The following HKDC1 variants were observed in gnomAD, a reference collection of about 807,000 sequenced individuals.
HKDC1 encodes hexokinase domain containing 1, also known as hexokinase HKDC1.
Under a neutral mutation model 96.6 loss-of-function variants are expected in HKDC1, and 66 were observed. The ratio of observed to expected loss-of-function variants is 0.68; its 90% CI spans 0.56 to 0.84. HKDC1 has a LOEUF of 0.84. Ranked by LOEUF, HKDC1 falls within the 40% of genes least tolerant of loss-of-function variation. The pLI is 0.00. For synonymous variants in HKDC1, 466 were observed against 473.1 expected, an observed-to-expected ratio of 0.98 and a Z score of 0.20; for missense variants, 1,211 against 1,208.1, an observed-to-expected ratio of 1.00 and a Z score of -0.04.
intron 4 of HKDC1, among the ~76,000 whole-genome samples, 200 bp from the exon 5 acceptor site, chr10:69,238,842 A>C (rs1044038002): frequency 6.6e-6 from 1 of 152,224 alleles, no homozygotes; most frequent in Non-Finnish European, 1.5e-5. Context: ...GCTACCATAT[A>C]TTTCAAACCA....
intron 4 of HKDC1, among the ~76,000 whole-genome samples, chr10:69,233,888 A>G (rs1422451963): frequency 7.0e-6 from 1 of 143,850 alleles, no homozygotes; most frequent in Non-Finnish European, 1.5e-5. Context: ...ACAGAGCAAG[A>G]CTCCGTCTCA....
In HKDC1 at chr10:69,265,758, G is replaced by A. The variant is rs749440277; in HGVS notation, c.2546G>A (p.Gly849Glu). Residue 849 changes from glycine to glutamate, a missense_variant, in exon 17 of 18, where the codon GGG becomes GAG. Coordinates refer to ENST00000354624, the MANE Select transcript of HKDC1 (RefSeq NM_025130.4). Reference sequence around the variant, plus strand: ...GTGGAAAAAAGGAGAGAAGACCAGGGGCTAGAGCACCTGAGGATCACTGTG... The same window carrying A: ...GTGGAAAAAAGGAGAGAAGACCAGGAGCTAGAGCACCTGAGGATCACTGTG... ...AIVEKRREDQ[G>E]LEHLRITVGV... The A allele has an allele frequency of 6.2e-7, 1 of 1,613,588 alleles. No individual in the cohort carries two copies. Among genetic ancestry groups the A allele is most frequent in the Non-Finnish European group, 8.5e-7 (1 of 1,179,834 alleles).
Position 69,266,754 on chromosome 10 carries a change from C to A in HKDC1, c.2751C>A (p.Asn917Lys), listed in dbSNP as rs906219. 535,790 of 1,609,906 alleles carry A rather than the reference C, an allele frequency of 0.33. 93,669 individuals are homozygous for A. The highest frequency in any genetic ancestry group is 0.58 in the East Asian group (26,137 of 44,774). Residue 917 changes from asparagine to lysine, a missense_variant, in exon 18 of 18, where the codon AAC becomes AAA. Asn to Lys is a moderately conservative substitution (Grantham distance 94, BLOSUM62 0). Coordinates refer to ENST00000354624, the MANE Select transcript of HKDC1 (RefSeq NM_025130.4). ...GGTTACAGCAGGCACAGAAGGAGAA[C>A]TAGGAACCCCTGGGATTGGACCTGA... is the stretch of plus-strand genomic sequence containing the variant. The part of the protein sequence containing the change: ...AKRLQQAQKE[N>K]
At position 69,258,969 on chromosome 10, in the gene HKDC1, G is replaced by A. The variant is rs371783248; in HGVS notation, c.2216+10G>A. 15 of 1,540,422 alleles carry A rather than the reference G, an allele frequency of 9.7e-6. No homozygotes were observed. In the African/African-American group the frequency reaches 1.8e-4, roughly 18 times the overall value. ...ATCCTGGCAAGCAGAGGTGAAGAGG[G>A]TGGATGTGTGCATTTATGTGGGTTG... On this transcript the variant is annotated intron_variant, in intron 15 of 17. Coordinates refer to ENST00000354624, the MANE Select transcript of HKDC1 (RefSeq NM_025130.4).
chr10:69,249,812 G>T (rs890862314), intron 10 of HKDC1, among the ~76,000 whole-genome samples: 1 of 152,178 alleles, frequency 6.6e-6, no homozygotes, highest in Non-Finnish European at 1.5e-5. Flanking sequence ...GGCCCCTTGA[G>T]TATAAGAATC....
intron 12 of HKDC1, 122 bp downstream of exon 12, chr10:69,250,774 G>T: frequency 9.7e-7 from 1 of 1,027,400 alleles, no homozygotes; most frequent in Non-Finnish European, 1.4e-6. Context: ...AGGGCAGCTG[G>T]GAACACATGA....
At chr10:69,237,710 G>A (rs998143408) in intron 4 of HKDC1, among the ~76,000 whole-genome samples, 1 of 152,192 alleles carries the variant, frequency 6.6e-6, no homozygotes, top group Non-Finnish European at 1.5e-5. Context: ...CCTGGAGACA[G>A]GGATGTTGTC....
intron 12 of HKDC1, among the ~76,000 whole-genome samples, chr10:69,253,644 C>T (rs1843678147): frequency 6.6e-6 from 1 of 152,208 alleles, no homozygotes; most frequent in Non-Finnish European, 1.5e-5. Flanking sequence ...GTGGGTCTAG[C>T]ACCTGGCAGG....
At position 69,248,572 on chromosome 10, in the gene HKDC1, A is replaced by C; in HGVS notation, c.1414A>C (p.Arg472=). The C allele has an allele frequency of 6.2e-7, 1 of 1,614,102 alleles. No homozygotes were observed. The highest frequency in any genetic ancestry group is 8.5e-7 in the Non-Finnish European group (1 of 1,180,014). ...GCAGGCCCAGCGGAAGCAGATCGAC[A>C]GGGTGCTGGCTTTGTTCCAGCTGAC... ...RVQAQRKQID[R]VLALFQLTRE... The change falls in exon 10 of 18, where the codon AGG becomes CGG. Residue 472 remains arginine (R), a synonymous_variant. Coordinates refer to ENST00000354624, the MANE Select transcript of HKDC1 (RefSeq NM_025130.4).
intron 16 of HKDC1, among the ~76,000 whole-genome samples, chr10:69,265,173 G>T (rs761672283): frequency 1.3e-5 from 2 of 152,130 alleles, no homozygotes; most frequent in Non-Finnish European, 2.9e-5. Context: ...GAGCTGGCAC[G>T]ATTTGTGGGA....
At position 69,227,359 on chromosome 10, in the gene HKDC1, C is replaced by T. The variant is rs764464401; in HGVS notation, c.216C>T (p.Pro72=). The part of the protein sequence containing the change: ...KMLPTFVRAI[P]DGSENGEFLS... ...TGCCCACCTTCGTCAGGGCCATTCC[C>T]GATGGTTCCGGTGAGTGCAGTTGTC... The change falls in exon 2 of 18, where the codon CCC becomes CCT. Residue 72 remains proline (P), a synonymous_variant. Coordinates refer to ENST00000354624, the MANE Select transcript of HKDC1 (RefSeq NM_025130.4). 9.3e-6 allele frequency: 15 copies of T among 1,614,036 alleles called. No individual in the cohort carries two copies. Among genetic ancestry groups the T allele is most frequent in the East Asian group, 6.7e-5 (3 of 44,890 alleles).
chr10:69,244,269 C>T (rs962478303), intron 7 of HKDC1, among the ~76,000 whole-genome samples: 2 of 152,166 alleles, frequency 1.3e-5, no homozygotes, highest in Admixed American at 6.5e-5. Flanking sequence ...AAGACGTTCC[C>T]GGCTCATGTC....
intron 1 of HKDC1, among the ~76,000 whole-genome samples, chr10:69,221,258 T>C (rs867957605): frequency 6.6e-6 from 1 of 152,206 alleles, no homozygotes; most frequent in African/African-American, 2.4e-5. Flanking sequence ...GAAATATCTA[T>C]TATTGGCACC....
chr10:69,256,569 G>A lies in HKDC1; in HGVS notation c.1837-467G>A, dbSNP rs971497160. 6.6e-5 allele frequency among the ~76,000 whole-genome samples: 10 copies of A among 152,172 alleles called. No individual in the cohort carries two copies. The South Asian group carries it at 8.3e-4, about 13-fold the overall frequency. On this transcript the variant is annotated intron_variant, in intron 12 of 17. Transcript: ENST00000354624. The stretch of plus-strand genomic sequence containing the variant: ...TAAAAAATACAAAAGTTAGCTGGGC[G>A]TGGTGGCACATGCCAGTAATCCCAG...
At chr10:69,230,022 C>T (rs1211757156) in intron 2 of HKDC1, among the ~76,000 whole-genome samples, 7 of 152,170 alleles carry the variant, frequency 4.6e-5, no homozygotes, top group Non-Finnish European at 8.8e-5. Flanking sequence ...TTATGGTGTC[C>T]GTTTCAGAAA....
At chr10:69,243,444 G>T in intron 7 of HKDC1, 79 bp downstream of exon 7, 1 of 1,282,042 alleles carries the variant, frequency 7.8e-7, no homozygotes, top group African/African-American at 1.5e-5. Context: ...TACCTGGGAG[G>T]CTTTCCAGTT....
At chr10:69,248,844 C>A in intron 10 of HKDC1, 116 bp downstream of exon 10, 1 of 923,266 alleles carries the variant, frequency 1.1e-6, no homozygotes, top group Non-Finnish European at 1.6e-6. Flanking sequence ...TAATGGAGGG[C>A]AAGAGTAAGA....
In HKDC1 at chr10:69,246,230, G is replaced by T; in HGVS notation, c.1027G>T (p.Glu343Ter). ...KIETRHVAAM[E>*]KYKEGLANTR... Reference sequence around the variant, plus strand: ...CGAAACACGGCACGTGGCTGCCATGGAGAAGTAAGCAAGTCCCTCTGCCTT... The same window carrying T: ...CGAAACACGGCACGTGGCTGCCATGTAGAAGTAAGCAAGTCCCTCTGCCTT... The change falls in exon 8 of 18, where the codon GAG becomes TAG. Residue 343 changes from glutamate (E) to a stop codon, truncating the protein, a stop_gained. Coordinates refer to ENST00000354624, the MANE Select transcript of HKDC1 (RefSeq NM_025130.4). LOFTEE classifies it high-confidence loss of function. The T allele has an allele frequency of 6.2e-7, 1 of 1,613,680 alleles. No individual in the cohort carries two copies. The highest frequency in any genetic ancestry group is 8.5e-7 in the Non-Finnish European group (1 of 1,179,950).
chr10:69,250,480 C>A, intron 11 of HKDC1, 45 bp downstream of exon 11: 1 of 1,612,038 alleles, frequency 6.2e-7, no homozygotes, highest in Non-Finnish European at 8.5e-7. Flanking sequence ...GCCAGCCTGC[C>A]ACCCTGCATC....
Sources: gnomAD v4.1 joint callset for allele counts (sites outside exome capture counted in the v4.1 genomes callset) on GRCh38, gnomAD v4.1.1 for gene constraint, MANE v1.5 for transcripts, NCBI Gene and HGNC (gene_info 2026-07-23, HGNC 2026-07-21) for gene names.